VAC14: variants seen among roughly 807,000 people sequenced by gnomAD.
The protein encoded by VAC14 is VAC14 component of PIKFYVE complex.
Under a neutral mutation model 85.3 loss-of-function variants are expected in VAC14, and 47 were observed. The ratio of observed to expected loss-of-function variants is 0.55; its 90% CI spans 0.44 to 0.70. The LOEUF is 0.70. Among genes scored for constraint, VAC14 ranks in the 30% least tolerant of loss-of-function variants. VAC14 has a pLI of 0.00. For missense variants in VAC14, 861 were observed against 1,004.3 expected (o/e 0.86, Z 1.93); for synonymous variants, 447 against 430.5 (o/e 1.04, Z -0.47).
At chr16:70,701,033 C>T (rs1193825983) in intron 14 of VAC14, among the ~76,000 whole-genome samples, 1 of 152,150 alleles carries the variant, frequency 6.6e-6, no homozygotes, top group East Asian at 1.9e-4. Context: ...CTCCTGGTGT[C>T]CCAGAGAAGC....
chr16:70,720,931 G>C (rs1197614268), intron 14 of VAC14, among the ~76,000 whole-genome samples: 2 of 150,754 alleles, frequency 1.3e-5, no homozygotes. Flanking sequence ...AAACAGACTG[G>C]TGGAGGACCA....
chr16:70,775,426 T>A (rs1227360034), intron 9 of VAC14, among the ~76,000 whole-genome samples: 1 of 152,242 alleles, frequency 6.6e-6, no homozygotes, highest in Non-Finnish European at 1.5e-5. Flanking sequence ...TTTCTGCAAC[T>A]TGCATCTTTC....
chr16:70,720,454 G>C (rs191036286), intron 14 of VAC14, among the ~76,000 whole-genome samples: 6 of 152,322 alleles, frequency 3.9e-5, no homozygotes, highest in Admixed American at 3.9e-4. Context: ...GTGTTATGTG[G>C]TAAGAAAGGG....
chr16:70,696,022 A>T (rs573497405), intron 16 of VAC14, among the ~76,000 whole-genome samples: 3 of 152,276 alleles, frequency 2.0e-5, no homozygotes, highest in East Asian at 1.9e-4. Flanking sequence ...AGAGGAGCAA[A>T]TCCAGGTTGT....
At chr16:70,747,657 C>T (rs973354315) in intron 12 of VAC14, 1 of 152,148 alleles carries the variant, frequency 6.6e-6, no homozygotes, top group African/African-American at 2.4e-5. Flanking sequence ...AGATCTGTGT[C>T]TCTTTACATC....
intron 12 of VAC14, chr16:70,756,216 C>T: frequency 2.5e-6 from 1 of 398,388 alleles, no homozygotes; most frequent in Non-Finnish European, 5.1e-6. Flanking sequence ...CTCTGCTCTG[C>T]TCTGCTCTGG....
intron 14 of VAC14, among the ~76,000 whole-genome samples, chr16:70,711,138 C>T (rs1019078234): frequency 6.6e-6 from 1 of 152,236 alleles, no homozygotes; most frequent in African/African-American, 2.4e-5. Flanking sequence ...CCAGGAATAC[C>T]CTAACTGAGG....
intron 18 of VAC14, among the ~76,000 whole-genome samples, 194 bp downstream of exon 18, chr16:70,692,627 C>T (rs554146842): frequency 3.3e-5 from 5 of 152,264 alleles, no homozygotes; most frequent in African/African-American, 4.8e-5. Context: ...ATCCCTTGCT[C>T]GGTGCTCTGA....
At chr16:70,797,189 T>A (rs1173626953) in intron 1 of VAC14, among the ~76,000 whole-genome samples, 1 of 152,210 alleles carries the variant, frequency 6.6e-6, no homozygotes, top group Non-Finnish European at 1.5e-5. Flanking sequence ...AAAATCCATT[T>A]TCTTGCCAGC....
At chr16:70,742,242 C>T (rs1319173251) in intron 13 of VAC14, among the ~76,000 whole-genome samples, 2 of 152,110 alleles carry the variant, frequency 1.3e-5, no homozygotes, top group Admixed American at 1.3e-4. Context: ...AGGGTGCACC[C>T]CCAGGGACCC....
chr16:70,784,229 C>G lies in VAC14; in HGVS notation c.487-9G>C. 6.2e-7 allele frequency: 1 copy of G among 1,612,894 alleles called. No homozygotes were observed. Among genetic ancestry groups the G allele is most frequent in the Non-Finnish European group, 8.5e-7 (1 of 1,178,974 alleles). On this transcript the variant is annotated splice_polypyrimidine_tract_variant and intron_variant, in intron 4 of 18. Coordinates refer to ENST00000261776, the MANE Select transcript of VAC14 (RefSeq NM_018052.5). ...CTCTCAGTCACAATGTCCTGTGGAT[C>G]AGAGGAAAGTGAGCTGCCGAGAGCC...
intron 14 of VAC14, among the ~76,000 whole-genome samples, chr16:70,727,703 G>A (rs559772721): frequency 1.3e-5 from 2 of 152,342 alleles, no homozygotes; most frequent in African/African-American, 4.8e-5. Context: ...AGGAGGGCAG[G>A]TGGATACCCC....
chr16:70,740,996 C>T lies in VAC14; in HGVS notation c.1528+3427G>A, dbSNP rs147215697. Among the ~76,000 whole-genome samples, 3 of 152,366 alleles carry T rather than the reference C, an allele frequency of 2.0e-5. No homozygotes were observed. In the East Asian group the frequency reaches 5.8e-4, roughly 29 times the overall value. ...CGCTTCTCCACTGCTGCGTGTGATCCGCACCATGTGGTTCCCTACAGATGC... is the reference window on the plus strand; with the variant it reads ...CGCTTCTCCACTGCTGCGTGTGATCTGCACCATGTGGTTCCCTACAGATGC... On this transcript the variant is annotated intron_variant, in intron 13 of 18. Transcript: ENST00000261776.
intron 10 of VAC14, among the ~76,000 whole-genome samples, chr16:70,764,461 A>G (rs979729209): frequency 2.0e-5 from 3 of 152,302 alleles, no homozygotes; most frequent in Admixed American, 2.0e-4. Flanking sequence ...CTGTGCAGGT[A>G]GAGGAGTCTA....
At chr16:70,748,250 G>C (rs2031080048) in intron 12 of VAC14, among the ~76,000 whole-genome samples, 1 of 152,234 alleles carries the variant, frequency 6.6e-6, no homozygotes, top group African/African-American at 2.4e-5. Flanking sequence ...CCAGACAGCT[G>C]CTGAGCAGCT....
At chr16:70,722,133 T>C (rs1189758640) in intron 14 of VAC14, among the ~76,000 whole-genome samples, 1 of 152,250 alleles carries the variant, frequency 6.6e-6, no homozygotes, top group East Asian at 1.9e-4. Flanking sequence ...CCCACTCTCC[T>C]GGGACTCACT....
chr16:70,705,460 T>C (rs1221108241), intron 14 of VAC14, among the ~76,000 whole-genome samples: 1 of 152,250 alleles, frequency 6.6e-6, no homozygotes, highest in Non-Finnish European at 1.5e-5. Context: ...GGGCATCAGA[T>C]GAACTCAAGA....
intron 5 of VAC14, 53 bp from the exon 6 acceptor site, chr16:70,783,607 T>A: frequency 6.4e-7 from 1 of 1,574,646 alleles, no homozygotes. Context: ...CCCTGTTTCC[T>A]GCTCACCAAG....
At chr16:70,699,855 G>C (rs2053788329) in intron 14 of VAC14, 1 of 152,262 alleles carries the variant, frequency 6.6e-6, no homozygotes, top group South Asian at 2.1e-4. Context: ...TGCGCTTCCT[G>C]AGTGCTGGGC....
Sources: allele counts gnomAD v4.1 joint callset (sites outside exome capture counted in the v4.1 genomes callset), GRCh38; gene constraint gnomAD v4.1.1; transcripts MANE v1.5; gene names NCBI Gene and HGNC (gene_info 2026-07-23, HGNC 2026-07-21).